The following GATB variants were observed in gnomAD, a reference collection of about 807,000 sequenced individuals.
GATB encodes glutamyl-tRNA amidotransferase subunit B, also known as glutamyl-tRNA(Gln) amidotransferase subunit B, mitochondrial.
Under a neutral mutation model 62.3 loss-of-function variants are expected in GATB, and 39 were observed. The ratio of observed to expected loss-of-function variants is 0.63; its 90% CI spans 0.48 to 0.82. GATB has a LOEUF of 0.82. Among genes scored for constraint, GATB ranks in the 40% least tolerant of loss-of-function variants. The probability of loss-of-function intolerance (pLI) is 0.00; values close to 1 mark genes in which losing one functional copy is unlikely to be tolerated. For missense variants in GATB, 670 were observed against 684.0 expected, an observed-to-expected ratio of 0.98 and a Z score of 0.23; for synonymous variants, 276 against 258.9, an observed-to-expected ratio of 1.07 and a Z score of -0.63.
chr4:151,759,187 G>C (rs1739900295), intron 1 of GATB, among the ~76,000 whole-genome samples: 1 of 152,150 alleles, frequency 6.6e-6, no homozygotes, highest in African/African-American at 2.4e-5. Context: ...AGGCTATAGA[G>C]AAAGGAACAA....
intron 10 of GATB, among the ~76,000 whole-genome samples, chr4:151,686,129 GT>G (rs1406520656): frequency 2.0e-5 from 3 of 152,122 alleles, no homozygotes; most frequent in Admixed American, 6.5e-5. Context: ...AGGTGCTCTG[GT>G]ATTCAGCACA....
At chr4:151,722,516 A>G in intron 2 of GATB, 1 of 365,846 alleles carries the variant, frequency 2.7e-6, no homozygotes, top group South Asian at 3.9e-5. Flanking sequence ...GTCCCCCCAC[A>G]ACACCTCTGC....
At chr4:151,699,432 G>T (rs1474255598) in intron 9 of GATB, among the ~76,000 whole-genome samples, 1 of 151,568 alleles carries the variant, frequency 6.6e-6, no homozygotes, top group African/African-American at 2.4e-5. Context: ...CTGAAGGTAG[G>T]TTTCCCTATA....
chr4:151,723,883 T>TAG (rs1249657856), intron 2 of GATB: 3 of 152,064 alleles, frequency 2.0e-5, no homozygotes, highest in Non-Finnish European at 2.9e-5. Flanking sequence ...TTATGACTAG[T>TAG]AGAGAGAGAT....
At position 151,688,615 on chromosome 4, in the gene GATB, C is replaced by G; in HGVS notation, c.1331+15G>C. On this transcript the variant is annotated intron_variant, in intron 10 of 12. Coordinates refer to ENST00000263985, the MANE Select transcript of GATB (RefSeq NM_004564.3). Reference sequence around the variant, plus strand: ...CTCATCACAAAGGAAGAAAGAAATCCCAGACCTCACTCACCTCTCACTGAC... The same window carrying G: ...CTCATCACAAAGGAAGAAAGAAATCGCAGACCTCACTCACCTCTCACTGAC... 1 of 1,594,612 alleles carries G rather than the reference C, an allele frequency of 6.3e-7. No homozygotes were observed. Among genetic ancestry groups the G allele is most frequent in the Non-Finnish European group, 8.5e-7 (1 of 1,174,818 alleles).
rs769105211 is a variant in GATB, at chr4:151,760,990, C to A, written c.-8G>T. On this transcript the variant is annotated 5_prime_UTR_variant, in exon 1 of 13. Transcript: ENST00000263985. ...CAGCATGGGCGCCGCCATTGTAACT[C>A]CAGGGTCTTGGTCAGGTGACTCAGC... 1 of 1,608,554 alleles carries A rather than the reference C, an allele frequency of 6.2e-7. No individual in the cohort carries two copies. The highest frequency in any genetic ancestry group is 1.3e-5 in the African/African-American group (1 of 74,768).
intron 10 of GATB, among the ~76,000 whole-genome samples, chr4:151,685,752 CAGGGATGAAAGACCAAG>C (rs1738229944): frequency 6.6e-6 from 1 of 152,168 alleles, no homozygotes; most frequent in Non-Finnish European, 1.5e-5. Context: ...CCCGGGAGGA[CAGGGATGAAAGACCAAG>C]AGGCGCGGTG....
chr4:151,698,605 T>C (rs1046064228), intron 9 of GATB, among the ~76,000 whole-genome samples: 15 of 152,190 alleles, frequency 9.9e-5, no homozygotes, highest in African/African-American at 3.6e-4. Flanking sequence ...AACACGAACA[T>C]ATCATTTTCG....
intron 5 of GATB, among the ~76,000 whole-genome samples, chr4:151,714,551 T>C (rs1165839013): frequency 6.6e-6 from 1 of 152,234 alleles, no homozygotes; most frequent in African/African-American, 2.4e-5. Context: ...CAAGTGAGAT[T>C]TAATGAACAC....
chr4:151,735,135 T>G (rs574422792), intron 2 of GATB, among the ~76,000 whole-genome samples: 11 of 146,492 alleles, frequency 7.5e-5, no homozygotes, highest in South Asian at 4.3e-4. Flanking sequence ...GTCAGCAGAA[T>G]AAACAGAAAA....
At chr4:151,697,945 G>GTGTGTATATATACATATATA (rs1433481818) in intron 9 of GATB, among the ~76,000 whole-genome samples, 1 of 74,690 alleles carries the variant, frequency 1.3e-5, no homozygotes, top group Non-Finnish European at 2.2e-5. Flanking sequence ...ATATGTGTGT[G>GTGTGTATATATACATATATA]TGTGTGTGTA....
At chr4:151,694,466 T>A (rs1738429701) in intron 9 of GATB, among the ~76,000 whole-genome samples, 1 of 152,248 alleles carries the variant, frequency 6.6e-6, no homozygotes, top group African/African-American at 2.4e-5. Context: ...ATGATACATC[T>A]TTTTATTCAA....
chr4:151,688,029 T>C (rs947697088), intron 10 of GATB, among the ~76,000 whole-genome samples: 1 of 152,204 alleles, frequency 6.6e-6, no homozygotes, highest in African/African-American at 2.4e-5. Context: ...CAGGTGGCCC[T>C]TGGTCATCTC....
intron 9 of GATB, among the ~76,000 whole-genome samples, chr4:151,696,053 T>A (rs1325127947): frequency 3.3e-5 from 5 of 151,430 alleles, no homozygotes; most frequent in African/African-American, 1.2e-4. Context: ...AGTGCTGGGA[T>A]TACAGGTGTG....
At chr4:151,734,243 A>G (rs1322422481) in intron 2 of GATB, among the ~76,000 whole-genome samples, 2 of 152,204 alleles carry the variant, frequency 1.3e-5, no homozygotes. Flanking sequence ...GAATTCAGCA[A>G]AGTTTCCAGA....
At chr4:151,748,385 A>G (rs1397121932) in intron 2 of GATB, among the ~76,000 whole-genome samples, 1 of 152,274 alleles carries the variant, frequency 6.6e-6, no homozygotes, top group Middle Eastern at 3.2e-3. Context: ...GATCTTTGAC[A>G]AAACTGACAA....
At chr4:151,702,848 T>A (rs1009425864) in intron 8 of GATB, among the ~76,000 whole-genome samples, 1 of 152,132 alleles carries the variant, frequency 6.6e-6, no homozygotes, top group Non-Finnish European at 1.5e-5. Context: ...AGGGAATGGA[T>A]TCGAAGCACA....
chr4:151,714,677 T>C (rs1292231895), intron 5 of GATB, among the ~76,000 whole-genome samples: 2 of 152,194 alleles, frequency 1.3e-5, no homozygotes, highest in African/African-American at 2.4e-5. Flanking sequence ...ATAGGGTTGG[T>C]AGGAATCACA....
intron 3 of GATB, among the ~76,000 whole-genome samples, chr4:151,718,095 C>T (rs368886440): frequency 3.6e-4 from 55 of 152,300 alleles, no homozygotes; most frequent in African/African-American, 1.3e-3. Context: ...AGACAGACTG[C>T]TTGGCCCGAC....
Sources: allele counts gnomAD v4.1 joint callset (sites outside exome capture counted in the v4.1 genomes callset), GRCh38; gene constraint gnomAD v4.1.1; transcripts MANE v1.5; gene names NCBI Gene and HGNC (gene_info 2026-07-23, HGNC 2026-07-21).